Variants in MYT1L observed in about 807,000 individuals in gnomAD.
MYT1L encodes myelin transcription factor 1-like protein.
Under a neutral mutation model 126.7 loss-of-function variants are expected in MYT1L, and 12 were observed. The observed-to-expected ratio is 0.09, with a 90% CI of 0.06 to 0.15. The LOEUF (loss-of-function observed/expected upper bound fraction) is 0.15. Ranked by LOEUF, MYT1L falls within the 10% of genes least tolerant of loss-of-function variation. The pLI is 1.00. For synonymous variants in MYT1L, 541 were observed against 604.2 expected, an observed-to-expected ratio of 0.90 and a Z score of 1.53; for missense variants, 979 against 1,585.2, an observed-to-expected ratio of 0.62 and a Z score of 6.49.
In MYT1L at chr2:1,943,166, C is replaced by A. The variant is rs766587764; in HGVS notation, c.321G>T (p.Gly107=). The A allele has an allele frequency of 1.3e-6, 2 of 1,545,760 alleles. No homozygotes were observed. The highest frequency in any genetic ancestry group is 8.8e-7 in the Non-Finnish European group (1 of 1,141,956). Residue 107 remains glycine (G), a synonymous_variant, in exon 9 of 25, where the codon GGG becomes GGT. Transcript: ENST00000647738. This position sits in a 1 kb window ranked among gnomAD's most constrained non-coding sequence, Gnocchi z 4.4. Reference sequence around the variant, plus strand: ...CATCATTGTCCTCGGAGTACTCCTCCCCCTCATCCTCCTCCTTCTCATCCA... The same window carrying A: ...CATCATTGTCCTCGGAGTACTCCTCACCCTCATCCTCCTCCTTCTCATCCA... ...EDMDEKEEDE[G]EEYSEDNDEP... is the part of the protein sequence containing the mutation.
At chr2:2,125,208 C>T (rs1184184655) in intron 3 of MYT1L, among the ~76,000 whole-genome samples, 1 of 152,170 alleles carries the variant, frequency 6.6e-6, no homozygotes, top group African/African-American at 2.4e-5. Context: ...CTGCCAGTCT[C>T]CCTCACTGCT....
chr2:2,252,170 T>C (rs754838673), intron 2 of MYT1L, among the ~76,000 whole-genome samples: 2 of 152,156 alleles, frequency 1.3e-5, no homozygotes, highest in African/African-American at 2.4e-5. Context: ...CCAACTTTCC[T>C]GGCTTCGTTC....
At chr2:1,860,648 G>T (rs937571339) in intron 18 of MYT1L, among the ~76,000 whole-genome samples, 2 of 152,144 alleles carry the variant, frequency 1.3e-5, no homozygotes, top group African/African-American at 4.8e-5. Context: ...GGTGGGATCC[G>T]GGATGAGATG....
chr2:1,940,627 C>T (rs1010324241), intron 9 of MYT1L, among the ~76,000 whole-genome samples: 24 of 152,268 alleles, frequency 1.6e-4, no homozygotes, highest in Admixed American at 4.6e-4. Context: ...CTCAACATCT[C>T]CCTGTGGCTG....
At chr2:2,293,392 A>G (rs2095627562) in intron 1 of MYT1L, among the ~76,000 whole-genome samples, 1 of 152,182 alleles carries the variant, frequency 6.6e-6, no homozygotes, top group Admixed American at 6.5e-5. Context: ...AGAGGACCTC[A>G]TTCCCCATTC....
chr2:1,934,291 C>CATATATATAT (rs71276815), intron 9 of MYT1L, among the ~76,000 whole-genome samples: 11,085 of 123,330 alleles, frequency 0.09, 1,143 homozygotes, highest in African/African-American at 0.21. Context: ...ATTTTTATAA[C>CATATATATAT]ATATATATAT....
chr2:2,229,968 G>T (rs947987933), intron 2 of MYT1L, among the ~76,000 whole-genome samples: 7 of 152,122 alleles, frequency 4.6e-5, no homozygotes, highest in Non-Finnish European at 8.8e-5. Context: ...ATTAAGCAGA[G>T]AATTTTACTT....
At chr2:2,188,153 C>T (rs986465123) in intron 2 of MYT1L, among the ~76,000 whole-genome samples, 15 of 152,188 alleles carry the variant, frequency 9.9e-5, no homozygotes, top group Admixed American at 2.6e-4. Context: ...CACACACATA[C>T]ACTTCCTTCC....
At chr2:2,223,184 A>G (rs759521924) in intron 2 of MYT1L, among the ~76,000 whole-genome samples, 1 of 152,250 alleles carries the variant, frequency 6.6e-6, no homozygotes, top group African/African-American at 2.4e-5. Flanking sequence ...AATGTGAGTC[A>G]TGTCTGAAAA....
chr2:2,118,399 T>C (rs763134726), intron 3 of MYT1L, among the ~76,000 whole-genome samples: 3 of 152,206 alleles, frequency 2.0e-5, no homozygotes, highest in Non-Finnish European at 4.4e-5. Context: ...AATTGGTGCA[T>C]AAACACTGAT....
At chr2:2,138,238 T>C (rs1459288351) in intron 3 of MYT1L, among the ~76,000 whole-genome samples, 2 of 150,740 alleles carry the variant, frequency 1.3e-5, no homozygotes, top group Non-Finnish European at 3.0e-5. Context: ...ACTTTTACAC[T>C]GTTGGTGGGA....
intron 4 of MYT1L, among the ~76,000 whole-genome samples, chr2:2,002,089 A>T (rs1265871766): frequency 1.3e-5 from 2 of 152,212 alleles, no homozygotes; most frequent in African/African-American, 2.4e-5. Context: ...AATATGTATG[A>T]CATCCTCAAA....
chr2:1,911,153 T>C (rs1213217468), intron 12 of MYT1L, among the ~76,000 whole-genome samples: 1 of 152,170 alleles, frequency 6.6e-6, no homozygotes, highest in Non-Finnish European at 1.5e-5. Context: ...CTCCAACCTA[T>C]CGATCATTTC....
chr2:2,317,904 C>CA (rs957704094), intron 1 of MYT1L, among the ~76,000 whole-genome samples: 2 of 152,042 alleles, frequency 1.3e-5, no homozygotes, highest in African/African-American at 4.8e-5. Flanking sequence ...TAATGCAAGC[C>CA]AAAAAATTGG....
At chr2:1,842,604 T>C (rs905221439) in intron 19 of MYT1L, 1 of 152,332 alleles carries the variant, frequency 6.6e-6, no homozygotes, top group Non-Finnish European at 1.5e-5. Context: ...CTTCCTCCCT[T>C]GGCCTCCTCC....
At chr2:2,004,210 TGTTCTTTCCTGCAGGC>T (rs1395431757) in intron 4 of MYT1L, among the ~76,000 whole-genome samples, 575 of 48,410 alleles carry the variant, frequency 0.012, 40 homozygotes, top group African/African-American at 0.028. Context: ...TTCCTGAATG[TGTTCTTTCCTGCAGGC>T]GTTCTTTCCT....
At chr2:2,327,909 C>T (rs950484513) in intron 1 of MYT1L, among the ~76,000 whole-genome samples, 6 of 151,968 alleles carry the variant, frequency 3.9e-5, no homozygotes, top group African/African-American at 1.5e-4. Flanking sequence ...AACAAGTAAA[C>T]AAAGTCTTTC....
At chr2:2,257,239 T>A (rs2094839804) in intron 2 of MYT1L, among the ~76,000 whole-genome samples, 1 of 152,164 alleles carries the variant, frequency 6.6e-6, no homozygotes, top group African/African-American at 2.4e-5. Flanking sequence ...GAGTGAAAAT[T>A]AATTCAGGTG....
intron 3 of MYT1L, among the ~76,000 whole-genome samples, chr2:2,127,750 CA>C (rs2081903436): frequency 6.6e-6 from 1 of 152,166 alleles, no homozygotes; most frequent in Non-Finnish European, 1.5e-5. Flanking sequence ...GAAGGAGGCA[CA>C]AAGGCTCACA....
Sources: allele counts gnomAD v4.1 joint callset (sites outside exome capture counted in the v4.1 genomes callset), GRCh38; gene constraint gnomAD v4.1.1; non-coding constraint Gnocchi (gnomAD v3.1); transcripts MANE v1.5; gene names NCBI Gene and HGNC (gene_info 2026-07-23, HGNC 2026-07-21).